RPRD1B: variants seen among roughly 807,000 people sequenced by gnomAD.
The protein encoded by RPRD1B is regulation of nuclear pre-mRNA domain containing 1B.
Under a neutral mutation model 41.5 loss-of-function variants are expected in RPRD1B, and 11 were observed. The observed-to-expected ratio is 0.27, with a 90% CI of 0.17 to 0.44. RPRD1B has a LOEUF of 0.44. Among genes scored for constraint, RPRD1B ranks in the 20% least tolerant of loss-of-function variants. The pLI, the probability that RPRD1B is intolerant of heterozygous loss-of-function variation, is 1.00. For missense variants in RPRD1B, 248 were observed against 389.9 expected (o/e 0.64, Z 3.06); for synonymous variants, 158 against 155.6 (o/e 1.02, Z -0.12).
At chr20:38,078,675 A>G (rs2074486918) in intron 6 of RPRD1B, among the ~76,000 whole-genome samples, 1 of 152,220 alleles carries the variant, frequency 6.6e-6, no homozygotes, top group African/African-American at 2.4e-5. Context: ...TCTCTAGACA[A>G]GGTCGGTGTC....
intron 6 of RPRD1B, among the ~76,000 whole-genome samples, chr20:38,070,909 T>C (rs2074407017): frequency 6.6e-6 from 1 of 152,034 alleles, no homozygotes; most frequent in South Asian, 2.1e-4. Context: ...TTTTTGTATT[T>C]TTAGTAGAGA....
At chr20:38,044,535 G>A (rs752156238) in intron 2 of RPRD1B, among the ~76,000 whole-genome samples, 1 of 151,988 alleles carries the variant, frequency 6.6e-6, no homozygotes, top group Non-Finnish European at 1.5e-5. Context: ...CATGATGCCC[G>A]GCTAATTTTT....
Position 38,092,025 on chromosome 20 carries a change from A to T in RPRD1B, c.*2150A>T. 1.0e-6 allele frequency: 1 copy of T among 985,820 alleles called. No individual in the cohort carries two copies. The highest frequency in any genetic ancestry group is 1.2e-6 in the Non-Finnish European group (1 of 829,922). 61.1% of individuals were successfully genotyped at this position (985,820 alleles called of 1,614,324 possible). On this transcript the variant is annotated 3_prime_UTR_variant, in exon 7 of 7. Transcript: ENST00000373433. ...TTAATTCTGCTGTCCACATCCTCCC[A>T]AAGTGTGCTTACTTCATTTGTTTAA...
intron 6 of RPRD1B, among the ~76,000 whole-genome samples, chr20:38,072,531 T>C (rs2074422788): frequency 1.3e-5 from 2 of 152,220 alleles, no homozygotes; most frequent in Admixed American, 1.3e-4. Context: ...ACAATCACCT[T>C]TTCCATTTCT....
At chr20:38,044,427 G>T (rs2074100742) in intron 2 of RPRD1B, among the ~76,000 whole-genome samples, 1 of 146,682 alleles carries the variant, frequency 6.8e-6, no homozygotes, top group South Asian at 2.1e-4. Context: ...AGGCTGGAGT[G>T]CAGTGGCTTG....
At chr20:38,041,414 A>G (rs2074064883) in intron 2 of RPRD1B, among the ~76,000 whole-genome samples, 1 of 152,218 alleles carries the variant, frequency 6.6e-6, no homozygotes, top group South Asian at 2.1e-4. Context: ...GCAGGATTTG[A>G]AAAGTTTGAA....
At chr20:38,060,712 GA>G (rs777894986) in intron 5 of RPRD1B, among the ~76,000 whole-genome samples, 18 of 152,120 alleles carry the variant, frequency 1.2e-4, no homozygotes, top group South Asian at 2.1e-4. Context: ...AGTCACGCAA[GA>G]AGCATCTCAG....
intron 2 of RPRD1B, among the ~76,000 whole-genome samples, chr20:38,047,666 T>C (rs1048360601): frequency 1.3e-5 from 2 of 152,232 alleles, no homozygotes; most frequent in African/African-American, 2.4e-5. Context: ...TATAGTCCTT[T>C]ATATCCTGTT....
chr20:38,063,867 A>G lies in RPRD1B; in HGVS notation c.656-2214A>G. On this transcript the variant is annotated intron_variant, in intron 5 of 6. Coordinates refer to ENST00000373433, the MANE Select transcript of RPRD1B (RefSeq NM_021215.4). ...TTCTGCATTTTCACTGCGTATTTGTATAACTCACTAAACTATTATAAGTTA... is the reference window on the plus strand; with the variant it reads ...TTCTGCATTTTCACTGCGTATTTGTGTAACTCACTAAACTATTATAAGTTA... Among the ~76,000 whole-genome samples, 2 of 152,196 alleles carry G rather than the reference A, an allele frequency of 1.3e-5. 1 individual carries two copies. The highest frequency in any genetic ancestry group is 2.9e-5 in the Non-Finnish European group (2 of 68,050).
At chr20:38,050,157 G>A (rs772540159) in intron 3 of RPRD1B, among the ~76,000 whole-genome samples, 5 of 152,230 alleles carry the variant, frequency 3.3e-5, no homozygotes, top group Non-Finnish European at 7.3e-5. Flanking sequence ...ATGTGTGACA[G>A]TATCCTTCAC....
At chr20:38,069,386 T>A (rs1449125713) in intron 6 of RPRD1B, among the ~76,000 whole-genome samples, 1 of 152,230 alleles carries the variant, frequency 6.6e-6, no homozygotes, top group Non-Finnish European at 1.5e-5. Context: ...TGATTGTGGT[T>A]TAAGGTAAGT....
chr20:38,062,060 C>T (rs2074303124), intron 5 of RPRD1B, among the ~76,000 whole-genome samples: 1 of 151,174 alleles, frequency 6.6e-6, no homozygotes. Context: ...GAGGTATTAC[C>T]GTGGAAGCAG....
intron 3 of RPRD1B, chr20:38,048,765 A>G (rs558336487): frequency 7.3e-5 from 16 of 218,976 alleles, no homozygotes; most frequent in Admixed American, 5.2e-4. Flanking sequence ...AAGGAACAAC[A>G]AAGTTGTTCA....
At chr20:38,063,952 G>C (rs779887381) in intron 5 of RPRD1B, among the ~76,000 whole-genome samples, 7 of 152,172 alleles carry the variant, frequency 4.6e-5, no homozygotes, top group African/African-American at 1.4e-4. Context: ...AGTTCTTGAG[G>C]CTGCAAATTG....
At chr20:38,068,841 C>A (rs151052715) in intron 6 of RPRD1B, among the ~76,000 whole-genome samples, 1 of 152,208 alleles carries the variant, frequency 6.6e-6, no homozygotes. Flanking sequence ...TGCGTGAATA[C>A]TGTGAATTCC....
intron 3 of RPRD1B, among the ~76,000 whole-genome samples, chr20:38,053,793 G>A: frequency 6.6e-6 from 1 of 152,206 alleles, no homozygotes; most frequent in East Asian, 1.9e-4. Flanking sequence ...TTTTAAAAAT[G>A]AAATGGTGTG....
Position 38,048,501 on chromosome 20 carries a change from T to C in RPRD1B, c.415+20T>C, listed in dbSNP as rs778147555. Reference sequence around the variant, plus strand: ...CCAAAGGTAGAAACATCACCACATGTTTACAGCTCTTGGTCTTTGCCTACT... The same window carrying C: ...CCAAAGGTAGAAACATCACCACATGCTTACAGCTCTTGGTCTTTGCCTACT... On this transcript the variant is annotated intron_variant, in intron 3 of 6. Coordinates refer to ENST00000373433, the MANE Select transcript of RPRD1B (RefSeq NM_021215.4). 3 of 1,582,070 alleles carry C rather than the reference T, an allele frequency of 1.9e-6. No individual in the cohort carries two copies. The African/African-American group carries it at 4.0e-5, about 21-fold the overall frequency.
rs2122781783 is a variant in RPRD1B, at chr20:38,090,954, G to A, written c.*1079G>A. 3 of 985,244 alleles carry A rather than the reference G, an allele frequency of 3.0e-6. No homozygotes were observed. The highest frequency in any genetic ancestry group is 3.6e-6 in the Non-Finnish European group (3 of 829,836). 61.0% of individuals were successfully genotyped at this position (985,244 alleles called of 1,614,324 possible). A position where few individuals can be genotyped will look rare whatever the true frequency, so the allele number is the denominator to read the frequency against. ...ACGACGGGGAGTACTTGCGTCAGAT[G>A]TTATTGAATAGCTCGTCTCGGGCAG... is the stretch of plus-strand genomic sequence containing the variant. On this transcript the variant is annotated 3_prime_UTR_variant, in exon 7 of 7. Transcript: ENST00000373433.
chr20:38,059,359 T>C, intron 4 of RPRD1B, 35 bp from the exon 5 acceptor site: 1 of 1,577,240 alleles, frequency 6.3e-7, no homozygotes, highest in Non-Finnish European at 8.6e-7. Context: ...CCCCATGTCT[T>C]AATGGGTAGT....
Sources: gnomAD v4.1 joint callset for allele counts (sites outside exome capture counted in the v4.1 genomes callset) on GRCh38, gnomAD v4.1.1 for gene constraint, MANE v1.5 for transcripts, NCBI Gene and HGNC (gene_info 2026-07-23, HGNC 2026-07-21) for gene names.